Variants in GRID1 observed in about 807,000 individuals in gnomAD.
The protein encoded by GRID1 is glutamate receptor ionotropic, delta-1.
In GRID1, 28 loss-of-function variants were observed where a neutral mutation model predicts 98.0. The observed-to-expected ratio is 0.29, with a 90% CI of 0.21 to 0.39. The LOEUF (loss-of-function observed/expected upper bound fraction) is 0.39. GRID1 is among the 10% of genes least tolerant of loss of function. The probability of loss-of-function intolerance (pLI) is 1.00; values close to 1 mark genes in which losing one functional copy is unlikely to be tolerated. For missense variants in GRID1, 1,111 were observed against 1,340.5 expected (o/e 0.83, Z 2.67); for synonymous variants, 553 against 538.5 (o/e 1.03, Z -0.37).
In GRID1 at chr10:85,724,418, T is replaced by C. The variant is rs1590205488; in HGVS notation, c.1792A>G (p.Arg598Gly). 4 of 1,614,024 alleles carry C rather than the reference T, an allele frequency of 2.5e-6. No individual in the cohort carries two copies. Among genetic ancestry groups the C allele is most frequent in the Non-Finnish European group, 8.5e-7 (1 of 1,180,014 alleles). The stretch of plus-strand genomic sequence containing the variant: ...TGCAGAGTGGCAGAAGCTGACGGCC[T>C]GGGCTGGGCAGCACTCTGAGCCCTC... ...AVRAQSAAQP[R>G]PSASATLHSA... The change falls in exon 11 of 16, where the codon AGG becomes GGG. Residue 598 changes from arginine to glycine, a missense_variant. Arg to Gly is a moderately radical substitution (Grantham distance 125). Transcript: ENST00000327946.
At chr10:86,124,997 A>G (rs1377546027) in intron 4 of GRID1, among the ~76,000 whole-genome samples, 4 of 152,188 alleles carry the variant, frequency 2.6e-5, no homozygotes, top group African/African-American at 9.7e-5. Context: ...TCAGGGAGCA[A>G]TCATAAGATG....
intron 4 of GRID1, among the ~76,000 whole-genome samples, chr10:85,943,856 A>T (rs1208481787): frequency 6.6e-6 from 1 of 152,228 alleles, no homozygotes; most frequent in African/African-American, 2.4e-5. Context: ...TCCCATCAGG[A>T]GAGATATCTA....
At chr10:85,868,274 T>C (rs964287599) in intron 6 of GRID1, among the ~76,000 whole-genome samples, 1 of 152,140 alleles carries the variant, frequency 6.6e-6, no homozygotes, top group Non-Finnish European at 1.5e-5. Context: ...ATTCCTAACC[T>C]AGAAGTGGAT....
chr10:85,622,881 A>G (rs188866228), intron 13 of GRID1, among the ~76,000 whole-genome samples: 212 of 152,326 alleles, frequency 1.4e-3, no homozygotes, highest in Non-Finnish European at 2.0e-3. Context: ...AGCCCTGCTT[A>G]AGGTGAACAC....
chr10:86,027,459 T>C (rs1843130509), intron 4 of GRID1, among the ~76,000 whole-genome samples: 2 of 152,268 alleles, frequency 1.3e-5, no homozygotes, highest in Admixed American at 6.5e-5. Flanking sequence ...TACTATTTCA[T>C]TGTATGGATA....
rs116813447 is a variant in GRID1, at chr10:86,011,477, T to A, written c.727-95238A>T. On this transcript the variant is annotated intron_variant, in intron 4 of 15. Coordinates refer to ENST00000327946, the MANE Select transcript of GRID1 (RefSeq NM_017551.3). Reference sequence around the variant, plus strand: ...CTCCCAAAGAATATTATGAAAAGCATGAAGAGATTAATGACAATGGCATGG... The same window carrying A: ...CTCCCAAAGAATATTATGAAAAGCAAGAAGAGATTAATGACAATGGCATGG... Among the ~76,000 whole-genome samples, 1,298 of 152,212 alleles carry A rather than the reference T, an allele frequency of 8.5e-3. 18 individuals carry two copies. Among genetic ancestry groups the A allele is most frequent in the African/African-American group, 0.03 (1,239 of 41,524 alleles).
chr10:85,666,405 AGC>A (rs1337566062), intron 12 of GRID1, among the ~76,000 whole-genome samples: 10 of 152,172 alleles, frequency 6.6e-5, no homozygotes, highest in African/African-American at 2.4e-4. Context: ...CTCCAGGGTC[AGC>A]ATGTCCTTTG....
At chr10:85,734,455 T>C (rs1209006670) in intron 8 of GRID1, among the ~76,000 whole-genome samples, 1 of 152,224 alleles carries the variant, frequency 6.6e-6, no homozygotes, top group Admixed American at 6.6e-5. Context: ...CTTCTCTCTT[T>C]ATCTAAAAGT....
At chr10:86,184,209 T>A (rs1480469224) in intron 3 of GRID1, among the ~76,000 whole-genome samples, 3 of 152,226 alleles carry the variant, frequency 2.0e-5, no homozygotes, top group African/African-American at 7.2e-5. Context: ...TGGCTTTTTA[T>A]CCTCTTCACA....
intron 3 of GRID1, among the ~76,000 whole-genome samples, chr10:86,159,704 A>T (rs1235748070): frequency 2.0e-5 from 3 of 152,218 alleles, no homozygotes; most frequent in Non-Finnish European, 4.4e-5. Context: ...CATGGGACAG[A>T]GGCAGGGGGC....
At chr10:85,992,741 G>A (rs746086735) in intron 4 of GRID1, among the ~76,000 whole-genome samples, 1 of 152,094 alleles carries the variant, frequency 6.6e-6, no homozygotes, top group Non-Finnish European at 1.5e-5. Context: ...CTTGAGCCCA[G>A]GAGTTCAAGA....
intron 12 of GRID1, among the ~76,000 whole-genome samples, chr10:85,687,508 T>C (rs1841283029): frequency 6.6e-6 from 1 of 152,058 alleles, no homozygotes; most frequent in African/African-American, 2.4e-5. Flanking sequence ...ATCATGCCTG[T>C]CATCACAGCA....
intron 4 of GRID1, among the ~76,000 whole-genome samples, chr10:85,975,996 CA>C (rs1842467525): frequency 6.6e-6 from 1 of 152,174 alleles, no homozygotes; most frequent in African/African-American, 2.4e-5. Context: ...ACCTATGGCT[CA>C]GGCACCCTCT....
chr10:85,729,486 G>T, intron 9 of GRID1, 27 bp downstream of exon 9: 2 of 1,343,056 alleles, frequency 1.5e-6, no homozygotes, highest in Non-Finnish European at 2.1e-6. Flanking sequence ...GGTGTAGCTC[G>T]CTCCCAGAAT....
chr10:85,737,670 ATAT>A lies in GRID1; in HGVS notation c.1234-8059_1234-8057del, dbSNP rs1564575105. ...GATATATATATATATATATATATAT[ATAT>A]AAACATATATGGTTATATATATATA... On this transcript the variant is annotated intron_variant, in intron 8 of 15. Transcript: ENST00000327946. 2.9e-3 allele frequency among the ~76,000 whole-genome samples: 388 copies of A among 133,262 alleles called. 28 individuals carry two copies. The highest frequency in any genetic ancestry group is 0.01 in the African/African-American group (365 of 35,192). 87.4% of individuals were successfully genotyped at this position (133,262 alleles called of 152,430 possible).
intron 4 of GRID1, among the ~76,000 whole-genome samples, chr10:85,955,343 G>C (rs1197895315): frequency 2.0e-5 from 3 of 152,154 alleles, no homozygotes; most frequent in Admixed American, 6.5e-5. Context: ...CTCAGAACCT[G>C]CATCAGGATA....
At chr10:85,893,191 G>C (rs1263084801) in intron 5 of GRID1, among the ~76,000 whole-genome samples, 1 of 152,056 alleles carries the variant, frequency 6.6e-6, no homozygotes, top group Non-Finnish European at 1.5e-5. Context: ...ATCCAATTAT[G>C]TTAAAAACTC....
At chr10:85,903,585 AT>A (rs1394241576) in intron 5 of GRID1, among the ~76,000 whole-genome samples, 1 of 152,184 alleles carries the variant, frequency 6.6e-6, no homozygotes, top group Non-Finnish European at 1.5e-5. Context: ...ATATATATAT[AT>A]TGCCCATCTT....
intron 4 of GRID1, among the ~76,000 whole-genome samples, chr10:86,026,674 AG>A (rs1308038362): frequency 1.3e-5 from 2 of 152,216 alleles, no homozygotes; most frequent in African/African-American, 2.4e-5. Context: ...TACTCAGCAT[AG>A]GGGACCCAGA....
Sources: gnomAD v4.1 joint callset for allele counts (sites outside exome capture counted in the v4.1 genomes callset) on GRCh38, gnomAD v4.1.1 for gene constraint, MANE v1.5 for transcripts, NCBI Gene and HGNC (gene_info 2026-07-23, HGNC 2026-07-21) for gene names.